The following ASPSCR1 variants were observed in gnomAD, a reference collection of about 807,000 sequenced individuals.
The protein encoded by ASPSCR1 is ASPSCR1 tether for SLC2A4, UBX domain containing.
A neutral mutation model predicts 68.9 loss-of-function variants in ASPSCR1; 55 were observed. The ratio of observed to expected loss-of-function variants is 0.80; its 90% CI spans 0.64 to 1.00. ASPSCR1 has a LOEUF of 1.00. ASPSCR1 is among the 50% of genes least tolerant of loss of function. The pLI is 0.00. For missense variants in ASPSCR1, 765 were observed against 762.2 expected (o/e 1.00, Z -0.04); for synonymous variants, 352 against 332.6 (o/e 1.06, Z -0.63).
At chr17:82,006,169 TGTGTGCACGG>T (rs2042710984) in intron 7 of ASPSCR1, 4 of 150,658 alleles carry the variant, frequency 2.7e-5, no homozygotes, top group South Asian at 4.1e-4. Context: ...TGGGTGCACG[TGTGTGCACGG>T]GTGTGTGTGT....
chr17:81,998,604 A>G (rs2042431815), intron 7 of ASPSCR1, among the ~76,000 whole-genome samples: 1 of 152,190 alleles, frequency 6.6e-6, no homozygotes, highest in African/African-American at 2.4e-5. Context: ...AAAAAATCTT[A>G]AGTGGGTGTT....
In ASPSCR1 at chr17:81,990,857, C is replaced by T. The variant is rs1344285802; in HGVS notation, c.375-3964C>T. On this transcript the variant is annotated intron_variant, in intron 4 of 15. Coordinates refer to ENST00000306739, the MANE Select transcript of ASPSCR1 (RefSeq NM_024083.4). This position sits in a 1 kb window ranked among gnomAD's most constrained non-coding sequence, Gnocchi z 4.1. ...TGGGTTTAGAGCCAGCAGGCACTAGCCCCAGGAGGTCATACTGTGACTCGG... is the reference window on the plus strand; with the variant it reads ...TGGGTTTAGAGCCAGCAGGCACTAGTCCCAGGAGGTCATACTGTGACTCGG... Among the ~76,000 whole-genome samples, 1 of 152,086 alleles carries T rather than the reference C, an allele frequency of 6.6e-6. No homozygotes were observed. The highest frequency in any genetic ancestry group is 1.5e-5 in the Non-Finnish European group (1 of 67,984).
intron 4 of ASPSCR1, among the ~76,000 whole-genome samples, chr17:81,988,831 G>T (rs1295993898): frequency 6.6e-6 from 1 of 152,202 alleles, no homozygotes; most frequent in Non-Finnish European, 1.5e-5. Flanking sequence ...TGTGCAGCTG[G>T]AGGCCTTTGC....
At chr17:82,012,438 GCCT>G (rs1567993823) in intron 12 of ASPSCR1, among the ~76,000 whole-genome samples, 155 bp downstream of exon 12, 1 of 152,164 alleles carries the variant, frequency 6.6e-6, no homozygotes, top group Non-Finnish European at 1.5e-5. Context: ...GGGGCCGTGC[GCCT>G]CTGAAGTTGC....
In ASPSCR1 at chr17:81,990,639, A is replaced by T. The variant is rs2042130112; in HGVS notation, c.375-4182A>T. On this transcript the variant is annotated intron_variant, in intron 4 of 15. Transcript: ENST00000306739. This position sits in a 1 kb window ranked among gnomAD's most constrained non-coding sequence, Gnocchi z 4.1. ...GGCCTGTGTCTAGTTTGAGATCTTT[A>T]TTACGGGGAGTGTGCCTTCCGTGAT... Among the ~76,000 whole-genome samples the T allele has an allele frequency of 6.6e-6, 1 of 151,966 alleles. No individual in the cohort carries two copies. The highest frequency in any genetic ancestry group is 1.5e-5 in the Non-Finnish European group (1 of 68,018).
At chr17:82,015,206 T>C (rs758911712) in intron 12 of ASPSCR1, 1 of 1,598,242 alleles carries the variant, frequency 6.3e-7, no homozygotes, top group Non-Finnish European at 8.5e-7. Context: ...GGCTTCTTTT[T>C]TGGGGTCCAT....
intron 9 of ASPSCR1, 97 bp from the exon 10 acceptor site, chr17:82,010,705 G>A: frequency 2.3e-6 from 3 of 1,317,828 alleles, no homozygotes; most frequent in Non-Finnish European, 3.3e-6. Context: ...CTCAGCCCTG[G>A]TGTCCATGGC....
At chr17:82,000,368 C>T (rs373664692) in intron 7 of ASPSCR1, among the ~76,000 whole-genome samples, 86 of 152,294 alleles carry the variant, frequency 5.6e-4, no homozygotes, top group African/African-American at 1.4e-3. Flanking sequence ...GTGTGCCTGG[C>T]CTGCATGGCG....
chr17:81,983,460 G>A lies in ASPSCR1; in HGVS notation c.159-94G>A, dbSNP rs947987809. 6.8e-6 allele frequency: 7 copies of A among 1,027,042 alleles called. No individual in the cohort carries two copies. The East Asian group carries it at 7.9e-5, about 12-fold the overall frequency. 63.6% of individuals were successfully genotyped at this position (1,027,042 alleles called of 1,614,324 possible). ...ACGTGGATGGCGGGGCGTGGATGGC[G>A]GGGCGTGGATGGTGGGACGGGGATG... On this transcript the variant is annotated intron_variant, in intron 2 of 15. Transcript: ENST00000306739. This position sits in a 1 kb window ranked among gnomAD's most constrained non-coding sequence, Gnocchi z 4.4.
rs1235740534 is a variant in ASPSCR1 at position 81,986,131 on chromosome 17, G to A, written c.374+524G>A. 6.6e-6 allele frequency among the ~76,000 whole-genome samples: 1 copy of A among 151,074 alleles called. No individual in the cohort carries two copies. The highest frequency in any genetic ancestry group is 1.5e-5 in the Non-Finnish European group (1 of 67,796). Reference sequence around the variant, plus strand: ...AAAATCTTCCTAATAGTAATTGGATGGCTGGGCACAGTGGCTGGGCACAGT... The same window carrying A: ...AAAATCTTCCTAATAGTAATTGGATAGCTGGGCACAGTGGCTGGGCACAGT... On this transcript the variant is annotated intron_variant, in intron 4 of 15. Coordinates refer to ENST00000306739, the MANE Select transcript of ASPSCR1 (RefSeq NM_024083.4). The surrounding 1 kb of genome is among the most constrained non-coding windows in gnomAD (Gnocchi z 5.2).
At chr17:81,984,798 C>T (rs1310400901) in intron 3 of ASPSCR1, among the ~76,000 whole-genome samples, 1 of 149,212 alleles carries the variant, frequency 6.7e-6, no homozygotes, top group Non-Finnish European at 1.5e-5. Flanking sequence ...CACACCCCCA[C>T]ACACCCACAT....
intron 2 of ASPSCR1, among the ~76,000 whole-genome samples, chr17:81,979,925 G>A (rs766563404): frequency 5.3e-5 from 8 of 152,212 alleles, no homozygotes; most frequent in Admixed American, 6.5e-5. Context: ...TAGGATGTGC[G>A]TGTCTATCCC....
chr17:82,014,896 C>T lies in ASPSCR1; in HGVS notation c.1354-1580C>T, dbSNP rs2043069583. 4 of 770,550 alleles carry T rather than the reference C, an allele frequency of 5.2e-6. No homozygotes were observed. In the South Asian group the frequency reaches 7.5e-5, roughly 14 times the overall value. The allele number at this position is 770,550 out of a possible 1,614,324, so 47.7% of individuals were successfully genotyped here. ...CCGGCTCCAGGCCCTCAGGCTGTGT[C>T]AGGGCAGGGCGGGCACCCCCACTTC... is the stretch of plus-strand genomic sequence containing the variant. On this transcript the variant is annotated intron_variant, in intron 12 of 15. Transcript: ENST00000306739.
chr17:82,005,901 GGTGT>G (rs1212828780), intron 7 of ASPSCR1: 1 of 152,326 alleles, frequency 6.6e-6, no homozygotes, highest in Admixed American at 6.5e-5. Context: ...TTCCAGTGTG[GGTGT>G]GTGAGAGCCA....
chr17:81,983,837 T>C lies in ASPSCR1; in HGVS notation c.273+169T>C, dbSNP rs1289119868. On this transcript the variant is annotated intron_variant, in intron 3 of 15. Coordinates refer to ENST00000306739, the MANE Select transcript of ASPSCR1 (RefSeq NM_024083.4). This position sits in a 1 kb window ranked among gnomAD's most constrained non-coding sequence, Gnocchi z 4.4. The stretch of plus-strand genomic sequence containing the variant: ...AAACAGCTTCCTGTTTTTTGATAAC[T>C]GGCAACTGAAAATGAGCATCTCATG... 1.3e-5 allele frequency among the ~76,000 whole-genome samples: 2 copies of C among 150,244 alleles called. No individual in the cohort carries two copies. The highest frequency in any genetic ancestry group is 3.0e-5 in the Non-Finnish European group (2 of 67,718).
At chr17:81,980,937 G>A (rs144209431) in intron 2 of ASPSCR1, among the ~76,000 whole-genome samples, 3,091 of 152,234 alleles carry the variant, frequency 0.02, 103 homozygotes, top group African/African-American at 0.069. Context: ...TGCCCGAGGC[G>A]GAGGATTGCC....
chr17:82,003,480 T>C (rs1214937051), intron 7 of ASPSCR1, among the ~76,000 whole-genome samples: 1 of 152,172 alleles, frequency 6.6e-6, no homozygotes, highest in Non-Finnish European at 1.5e-5. Flanking sequence ...GGGCCTTCCT[T>C]GTTGGCCTCT....
intron 1 of ASPSCR1, among the ~76,000 whole-genome samples, 196 bp from the exon 2 acceptor site, chr17:81,978,988 G>A (rs2041707356): frequency 6.6e-6 from 1 of 152,204 alleles, no homozygotes; most frequent in Non-Finnish European, 1.5e-5. Flanking sequence ...GAAGAAGGGA[G>A]GGAGAGTGGA....
chr17:82,011,638 C>T, intron 11 of ASPSCR1, 33 bp downstream of exon 11: 1 of 1,601,264 alleles, frequency 6.2e-7, no homozygotes. Context: ...ACTCCTGCCT[C>T]CAGTGCTCGG....
Sources: gnomAD v4.1 joint callset for allele counts (sites outside exome capture counted in the v4.1 genomes callset) on GRCh38, gnomAD v4.1.1 for gene constraint, Gnocchi (gnomAD v3.1) non-coding constraint, MANE v1.5 for transcripts, NCBI Gene and HGNC (gene_info 2026-07-23, HGNC 2026-07-21) for gene names.